EXOSC10: variants seen among roughly 807,000 people sequenced by gnomAD.
The protein encoded by EXOSC10 is exosome complex component 10.
A neutral mutation model predicts 126.6 loss-of-function variants in EXOSC10; 94 were observed. That is an observed-to-expected ratio of 0.74 (90% CI 0.63 to 0.88). The LOEUF (loss-of-function observed/expected upper bound fraction) is 0.88. Ranked by LOEUF, EXOSC10 falls within the 40% of genes least tolerant of loss-of-function variation. The pLI is 0.00. For missense variants in EXOSC10, 1,041 were observed against 1,100.5 expected (o/e 0.95, Z 0.77); for synonymous variants, 395 against 400.8 (o/e 0.99, Z 0.17).
Position 11,068,010 on chromosome 1 carries a change from GT to G in EXOSC10, c.2624del (p.Asp875AlafsTer?). The G allele has an allele frequency of 6.2e-7, 1 of 1,614,024 alleles. No homozygotes were observed. Among genetic ancestry groups the G allele is most frequent in the Non-Finnish European group, 8.5e-7 (1 of 1,179,946 alleles). ...KSMSFPTGKS[D>X]RGFRYNWPQR ...CCACACCGCCGTCCACCACATACCTGTCTGACTTTCCAGTTGGAAAGGACAT... is the reference window on the plus strand; with the variant it reads ...CCACACCGCCGTCCACCACATACCTGCTGACTTTCCAGTTGGAAAGGACAT... On this transcript the variant is annotated frameshift_variant, in exon 24 of 25. Transcript: ENST00000376936. LOFTEE classifies it high-confidence loss of function.
chr1:11,099,552 G>A, intron 1 of EXOSC10, 169 bp downstream of exon 1: 2 of 619,492 alleles, frequency 3.2e-6, no homozygotes, highest in Admixed American at 3.8e-5. Context: ...CCGTTTCCGA[G>A]GCCCCATCCC....
At chr1:11,093,696 A>C (rs1640916974) in intron 3 of EXOSC10, among the ~76,000 whole-genome samples, 1 of 152,200 alleles carries the variant, frequency 6.6e-6, no homozygotes, top group Non-Finnish European at 1.5e-5. Flanking sequence ...GGTTCAGTAG[A>C]TTTTGAGTAA....
chr1:11,069,244 T>TGTGTGTGTGAGAGAGAGAGAGAGA, intron 22 of EXOSC10, among the ~76,000 whole-genome samples: 1 of 116,896 alleles, frequency 8.6e-6, no homozygotes. Flanking sequence ...TGTGTGTGTG[T>TGTGTGTGTGAGAGAGAGAGAGAGA]GAGAGAGAGA....
chr1:11,069,833 A>G, intron 21 of EXOSC10, 103 bp from the exon 22 acceptor site: 1 of 1,247,610 alleles, frequency 8.0e-7, no homozygotes, highest in Non-Finnish European at 1.1e-6. Flanking sequence ...CTAAGTGGTA[A>G]GAAGAACAGT....
chr1:11,074,277 T>G lies in EXOSC10; in HGVS notation c.2036A>C (p.Lys679Thr), dbSNP rs767187447. 1 of 1,614,088 alleles carries G rather than the reference T, an allele frequency of 6.2e-7. No homozygotes were observed. The highest frequency in any genetic ancestry group is 1.7e-5 in the Admixed American group (1 of 59,998). Residue 679 changes from lysine (K) to threonine (T), a missense_variant, in exon 18 of 25, where the codon AAA becomes ACA. Physicochemically the swap from Lys to Thr is moderately conservative, Grantham distance 78. Coordinates refer to ENST00000376936, the MANE Select transcript of EXOSC10 (RefSeq NM_001001998.3). ...GGACTCCATGATGTTCTGGGCTTTT[T>G]TCTGTGCAACTGTCAATGGACCCTT... Reference protein sequence around the residue: ...SKKGPLTVAQKKAQNIMESFE... With the variant: ...SKKGPLTVAQTKAQNIMESFE...
intron 18 of EXOSC10, 104 bp from the exon 19 acceptor site, chr1:11,074,112 T>C: frequency 7.2e-7 from 1 of 1,388,042 alleles, no homozygotes; most frequent in South Asian, 1.2e-5. Context: ...GTCAGCGTCT[T>C]TGCCAGGACA....
chr1:11,098,078 G>A lies in EXOSC10; in HGVS notation c.190C>T (p.Arg64Ter), dbSNP rs1641214926. 1.9e-6 allele frequency: 3 copies of A among 1,611,778 alleles called. No individual in the cohort carries two copies. The highest frequency in any genetic ancestry group is 2.5e-6 in the Non-Finnish European group (3 of 1,179,296). The stretch of plus-strand genomic sequence containing the variant: ...AATGCTTGGAAGCCAGGAAAACTTC[G>A]GTAAAAATCATACTCATCGCCAAAC... ...PQFGDEYDFY[R>*]SFPGFQAFCE... Residue 64 changes from arginine to a stop codon, truncating the protein, a stop_gained, in exon 2 of 25, where the codon CGA becomes TGA. Coordinates refer to ENST00000376936, the MANE Select transcript of EXOSC10 (RefSeq NM_001001998.3). LOFTEE classifies it high-confidence loss of function.
Position 11,076,844 on chromosome 1 carries a change from TA to T in EXOSC10, c.1983del (p.Phe661LeufsTer14), listed in dbSNP as rs1639842917. On this transcript the variant is annotated frameshift_variant, in exon 17 of 25. Coordinates refer to ENST00000376936, the MANE Select transcript of EXOSC10 (RefSeq NM_001001998.3). LOFTEE classifies it high-confidence loss of function. Reference sequence around the variant, plus strand: ...AGTGAAGTTTCTGTGCTACTCACATTAAATAACGTGATGACAGCTGTGGCAA... The same window carrying T: ...AGTGAAGTTTCTGTGCTACTCACATTAATAACGTGATGACAGCTGTGGCAA... Reference protein sequence around the residue: ...CLIATAVITLFNEPSAEDSKK... With the variant: ...CLIATAVITLXNEPSAEDSKK... 3.7e-6 allele frequency: 6 copies of T among 1,611,094 alleles called. No homozygotes were observed. The highest frequency in any genetic ancestry group is 5.1e-6 in the Non-Finnish European group (6 of 1,178,520).
rs574211365 is a variant in EXOSC10 at position 11,099,839 on chromosome 1, G to A, written c.-8C>T. 1.3e-6 allele frequency: 2 copies of A among 1,596,534 alleles called. No individual in the cohort carries two copies. The highest frequency in any genetic ancestry group is 1.7e-6 in the Non-Finnish European group (2 of 1,171,006). On this transcript the variant is annotated 5_prime_UTR_variant, in exon 1 of 25. Coordinates refer to ENST00000376936, the MANE Select transcript of EXOSC10 (RefSeq NM_001001998.3). ...GGTACTGGGTGGCGCCATTTTTTCA[G>A]CCTGCACGGCTCGTCTCGCGAGAGC...
chr1:11,077,734 C>T (rs1339579491), intron 14 of EXOSC10, 83 bp from the exon 15 acceptor site: 1 of 1,152,864 alleles, frequency 8.7e-7, no homozygotes, highest in East Asian at 2.4e-5. Flanking sequence ...TGACTGTATT[C>T]CTTCACCAGC....
rs760571890 is a variant in EXOSC10, at chr1:11,080,553, G to GAA, written c.1587-6_1587-5dup. 2.0e-3 allele frequency: 3,000 copies of GAA among 1,476,346 alleles called. 87 individuals are homozygous for GAA. The African/African-American group carries it at 0.023, about 12-fold the overall frequency. The allele number at this position is 1,476,346 out of a possible 1,614,324, so 91.5% of individuals were successfully genotyped here. A position where few individuals can be genotyped will look rare whatever the true frequency, so the allele number is the denominator to read the frequency against. On this transcript the variant is annotated splice_region_variant and splice_polypyrimidine_tract_variant and intron_variant, in intron 12 of 24. Coordinates refer to ENST00000376936, the MANE Select transcript of EXOSC10 (RefSeq NM_001001998.3). Reference sequence around the variant, plus strand: ...CATGTGGTTTGGCAGTACATATCTGGAAAAAAAAAAACACACACACACACA... The same window carrying GAA: ...CATGTGGTTTGGCAGTACATATCTGGAAAAAAAAAAAAACACACACACACACA...
chr1:11,072,109 CT>C lies in EXOSC10; in HGVS notation c.2219del (p.Lys740ArgfsTer34), dbSNP rs1440780734. 7.4e-6 allele frequency: 12 copies of C among 1,613,790 alleles called. No individual in the cohort carries two copies. The Admixed American group carries it at 2.0e-4, about 27-fold the overall frequency. On this transcript the variant is annotated frameshift_variant, in exon 20 of 25. Transcript: ENST00000376936. LOFTEE classifies it high-confidence loss of function. ...QVQKDSKEAV[K>X]KKAAEQTAAR... is the part of the protein sequence containing the mutation. ...TACCTGTTTGCTCAGCTGCCTTCTT[CT>C]TGACAGCTTCTTTAGAGTCTTTTTG...
chr1:11,077,556 T>C (rs1047450294), intron 15 of EXOSC10, 45 bp downstream of exon 15: 15 of 1,612,532 alleles, frequency 9.3e-6, no homozygotes, highest in East Asian at 4.5e-5. Flanking sequence ...TGGCTGTGAC[T>C]TGACGTTTTC....
At chr1:11,088,040 G>T in intron 7 of EXOSC10, 83 bp downstream of exon 7, 1 of 1,337,666 alleles carries the variant, frequency 7.5e-7, no homozygotes, top group Non-Finnish European at 1.1e-6. Flanking sequence ...TTCAAGGAAA[G>T]TCAAAATTGC....
chr1:11,069,157 G>A (rs78794750), intron 22 of EXOSC10, among the ~76,000 whole-genome samples: 5,516 of 151,982 alleles, frequency 0.036, 260 homozygotes, highest in African/African-American at 0.09. Context: ...CAAAGCAGAC[G>A]GACTCTCACA....
At chr1:11,088,334 T>TCATA in intron 6 of EXOSC10, 136 bp from the exon 7 acceptor site, 1 of 595,480 alleles carries the variant, frequency 1.7e-6, no homozygotes, top group South Asian at 2.2e-5. Context: ...ACAAAGAGCT[T>TCATA]ATTTCAGTAA....
rs1473224788 is a variant in EXOSC10 at position 11,099,846 on chromosome 1, C to T, written c.-15G>A. Reference sequence around the variant, plus strand: ...GGTGGCGCCATTTTTTCAGCCTGCACGGCTCGTCTCGCGAGAGCTTGTCGG... The same window carrying T: ...GGTGGCGCCATTTTTTCAGCCTGCATGGCTCGTCTCGCGAGAGCTTGTCGG... On this transcript the variant is annotated 5_prime_UTR_variant, in exon 1 of 25. The change creates a new upstream start codon in the 5' untranslated region. Transcript: ENST00000376936. 7 of 1,589,978 alleles carry T rather than the reference C, an allele frequency of 4.4e-6. No individual in the cohort carries two copies. The highest frequency in any genetic ancestry group is 2.7e-5 in the African/African-American group (2 of 73,546).
intron 10 of EXOSC10, 108 bp from the exon 11 acceptor site, chr1:11,081,346 TC>T: frequency 1.2e-5 from 15 of 1,222,236 alleles, no homozygotes; most frequent in Non-Finnish European, 1.6e-5. Flanking sequence ...ATATGAAAGA[TC>T]CTTTCATAGT....
At chr1:11,087,641 G>C in intron 8 of EXOSC10, 50 bp from the exon 9 acceptor site, 1 of 1,597,440 alleles carries the variant, frequency 6.3e-7, no homozygotes, top group East Asian at 2.2e-5. Context: ...GATTATATTA[G>C]ACTTTCCTTT....
Sources: gnomAD v4.1 joint callset for allele counts (sites outside exome capture counted in the v4.1 genomes callset) on GRCh38, gnomAD v4.1.1 for gene constraint, MANE v1.5 for transcripts, NCBI Gene and HGNC (gene_info 2026-07-23, HGNC 2026-07-21) for gene names.